CRTAC1: variants seen among roughly 807,000 people sequenced by gnomAD.
CRTAC1 encodes the protein cartilage acidic protein 1.
Under a neutral mutation model 67.8 loss-of-function variants are expected in CRTAC1, and 37 were observed. The ratio of observed to expected loss-of-function variants is 0.55; its 90% CI spans 0.42 to 0.72. The LOEUF (loss-of-function observed/expected upper bound fraction) is 0.72, where lower values mean the gene tolerates loss of function less well. Among genes scored for constraint, CRTAC1 ranks in the 30% least tolerant of loss-of-function variants. The pLI is 0.00. For missense variants in CRTAC1, 780 were observed against 931.6 expected (o/e 0.84, Z 2.12); for synonymous variants, 348 against 371.0 (o/e 0.94, Z 0.71).
At chr10:97,872,667 T>A (rs929032577) in intron 14 of CRTAC1, among the ~76,000 whole-genome samples, 1 of 151,968 alleles carries the variant, frequency 6.6e-6, no homozygotes, top group Middle Eastern at 3.4e-3. Flanking sequence ...AGAAGATGGG[T>A]ATAGAGAGAT....
chr10:98,027,166 CAA>C (rs372224632), intron 1 of CRTAC1, among the ~76,000 whole-genome samples: 15 of 116,188 alleles, frequency 1.3e-4, no homozygotes, highest in East Asian at 2.5e-4. Context: ...GACTCCGTCT[CAA>C]AAAAAAAAAA....
At chr10:98,018,199 CAAAAAAAAAAAAAAAAAA>C (rs71007373) in intron 1 of CRTAC1, among the ~76,000 whole-genome samples, 4 of 48,654 alleles carry the variant, frequency 8.2e-5, no homozygotes, top group Non-Finnish European at 3.3e-5. Context: ...AAGATGCCCG[CAAAAAAAAAAAAAAAAAA>C]AAAAAAAAAA....
At chr10:97,868,784 G>C (rs1172164059) in intron 14 of CRTAC1, 1 of 152,052 alleles carries the variant, frequency 6.6e-6, no homozygotes, top group Non-Finnish European at 1.5e-5. Flanking sequence ...TTTACTAAAC[G>C]GGTAAAACCA....
intron 1 of CRTAC1, among the ~76,000 whole-genome samples, chr10:98,023,590 G>A (rs1843165007): frequency 6.6e-6 from 1 of 152,196 alleles, no homozygotes. Flanking sequence ...TCAGATGAGA[G>A]GTGCATGATG....
intron 11 of CRTAC1, among the ~76,000 whole-genome samples, chr10:97,892,551 T>C (rs1032418403): frequency 6.6e-6 from 1 of 152,236 alleles, no homozygotes; most frequent in African/African-American, 2.4e-5. Flanking sequence ...ACTCTGTAGA[T>C]GTGTGGTTTG....
At chr10:98,007,041 C>A (rs2136690641) in intron 2 of CRTAC1, among the ~76,000 whole-genome samples, 1 of 152,268 alleles carries the variant, frequency 6.6e-6, no homozygotes, top group East Asian at 1.9e-4. Context: ...GGGCAGTGAT[C>A]CTAGCTTTCA....
rs181999867 is a variant in CRTAC1 at position 97,879,034 on chromosome 10, C to T, written c.1819+1215G>A. ...AGCATCTCATGGTGGAAGGGCTGCTCCTAATTCAGCATTCCAATCAGTTCT... is the reference window on the plus strand; with the variant it reads ...AGCATCTCATGGTGGAAGGGCTGCTTCTAATTCAGCATTCCAATCAGTTCT... On this transcript the variant is annotated intron_variant, in intron 14 of 14. Coordinates refer to ENST00000370597, the MANE Select transcript of CRTAC1 (RefSeq NM_018058.7). 6.6e-5 allele frequency among the ~76,000 whole-genome samples: 10 copies of T among 152,252 alleles called. No homozygotes were observed. The East Asian group carries it at 1.9e-3, about 29-fold the overall frequency.
intron 14 of CRTAC1, among the ~76,000 whole-genome samples, chr10:97,879,379 A>T (rs1209754607): frequency 6.6e-6 from 1 of 152,206 alleles, no homozygotes; most frequent in Non-Finnish European, 1.5e-5. Flanking sequence ...TGAGCTCACG[A>T]GACACTGGAG....
chr10:97,951,206 C>T (rs945535662), intron 2 of CRTAC1, among the ~76,000 whole-genome samples: 26 of 152,292 alleles, frequency 1.7e-4, no homozygotes, highest in African/African-American at 5.8e-4. Context: ...TGTGGATATC[C>T]CATCCCAGTG....
chr10:98,003,228 T>C (rs531026174), intron 2 of CRTAC1, among the ~76,000 whole-genome samples: 2 of 152,280 alleles, frequency 1.3e-5, no homozygotes, highest in African/African-American at 4.8e-5. Context: ...CTCTGAAAAA[T>C]GACACCAAGC....
At chr10:97,946,220 G>T (rs2136626135) in intron 2 of CRTAC1, among the ~76,000 whole-genome samples, 1 of 152,380 alleles carries the variant, frequency 6.6e-6, no homozygotes, top group Non-Finnish European at 1.5e-5. Context: ...TTCTTTGGTT[G>T]CAAGTGAACT....
chr10:98,025,681 G>C (rs1454745792), intron 1 of CRTAC1, among the ~76,000 whole-genome samples: 2 of 152,124 alleles, frequency 1.3e-5, no homozygotes, highest in East Asian at 3.8e-4. Context: ...AACCAGCCAG[G>C]CTCTCCAGAA....
chr10:97,960,548 A>G (rs2051509438), intron 2 of CRTAC1, among the ~76,000 whole-genome samples: 1 of 152,198 alleles, frequency 6.6e-6, no homozygotes, highest in African/African-American at 2.4e-5. Flanking sequence ...ATGTTGAATC[A>G]TTATTCTCCC....
intron 2 of CRTAC1, among the ~76,000 whole-genome samples, chr10:97,998,136 A>C (rs1396424310): frequency 1.3e-5 from 2 of 152,146 alleles, no homozygotes; most frequent in African/African-American, 4.8e-5. Context: ...ATACCAGCTA[A>C]TTTATCTTGT....
chr10:97,901,194 T>C (rs1254894581), intron 8 of CRTAC1, among the ~76,000 whole-genome samples: 2 of 151,942 alleles, frequency 1.3e-5, no homozygotes, highest in Admixed American at 1.3e-4. Context: ...AGCCCCTTTT[T>C]GTGGTAGTGT....
Position 97,865,446 on chromosome 10 carries a change from T to C in CRTAC1, c.*102A>G. 7.0e-7 allele frequency: 1 copy of C among 1,419,970 alleles called. No individual in the cohort carries two copies. Among genetic ancestry groups the C allele is most frequent in the Non-Finnish European group, 9.5e-7 (1 of 1,051,990 alleles). 88.0% of individuals were successfully genotyped at this position (1,419,970 alleles called of 1,614,324 possible). On this transcript the variant is annotated 3_prime_UTR_variant, in exon 15 of 15. Transcript: ENST00000370597. ...TGCATGGATGGGCTTGGGGAGGGTC[T>C]AGCTCCCAGGCCTTTACATCCCTAC...
intron 11 of CRTAC1, among the ~76,000 whole-genome samples, chr10:97,890,914 G>T (rs1477166446): frequency 1.3e-5 from 2 of 151,628 alleles, no homozygotes; most frequent in Non-Finnish European, 2.9e-5. Context: ...TGATCTGCCC[G>T]CCTTGGCCTC....
intron 2 of CRTAC1, among the ~76,000 whole-genome samples, chr10:97,937,572 G>A (rs1399118912): frequency 6.6e-6 from 1 of 152,156 alleles, no homozygotes; most frequent in Non-Finnish European, 1.5e-5. Context: ...TATACAATAG[G>A]TGCTCAATAA....
intron 2 of CRTAC1, among the ~76,000 whole-genome samples, chr10:97,960,731 T>C (rs1455170312): frequency 6.6e-6 from 1 of 152,246 alleles, no homozygotes; most frequent in Non-Finnish European, 1.5e-5. Context: ...ATCATCTGGC[T>C]TATGGGTCAA....
Sources: allele counts gnomAD v4.1 joint callset (sites outside exome capture counted in the v4.1 genomes callset), GRCh38; gene constraint gnomAD v4.1.1; transcripts MANE v1.5; gene names NCBI Gene and HGNC (gene_info 2026-07-23, HGNC 2026-07-21).